Variants in GRID1 observed in about 807,000 individuals in gnomAD.
The protein encoded by GRID1 is glutamate ionotropic receptor delta type subunit 1.
A neutral mutation model predicts 98.0 loss-of-function variants in GRID1; 28 were observed. That is an observed-to-expected ratio of 0.29 (90% CI 0.21 to 0.39). The LOEUF is 0.39. Among genes scored for constraint, GRID1 ranks in the 10% least tolerant of loss-of-function variants. GRID1 has a pLI of 1.00. For synonymous variants in GRID1, 553 were observed against 538.5 expected, an observed-to-expected ratio of 1.03 and a Z score of -0.37; for missense variants, 1,111 against 1,340.5, an observed-to-expected ratio of 0.83 and a Z score of 2.67.
chr10:86,056,655 G>T (rs145735318), intron 4 of GRID1, among the ~76,000 whole-genome samples: 3 of 152,162 alleles, frequency 2.0e-5, no homozygotes, highest in African/African-American at 4.8e-5. Flanking sequence ...AGTTGCTTCC[G>T]CCCACCAGCA....
intron 4 of GRID1, among the ~76,000 whole-genome samples, chr10:86,101,761 T>A (rs1330119695): frequency 6.6e-6 from 1 of 151,964 alleles, no homozygotes; most frequent in Non-Finnish European, 1.5e-5. Flanking sequence ...CACCTAAGCC[T>A]TCTGAGTGGC....
chr10:86,046,682 G>A (rs1209238960), intron 4 of GRID1, among the ~76,000 whole-genome samples: 1 of 152,110 alleles, frequency 6.6e-6, no homozygotes, highest in Non-Finnish European at 1.5e-5. Context: ...CATCCCACCA[G>A]AGGAAGAAGG....
chr10:85,840,224 G>A (rs1472399284), intron 8 of GRID1, among the ~76,000 whole-genome samples: 4 of 152,064 alleles, frequency 2.6e-5, no homozygotes, highest in African/African-American at 7.2e-5. Context: ...AAAAATTGAG[G>A]AGGAGAAGGG....
intron 2 of GRID1, among the ~76,000 whole-genome samples, chr10:86,281,370 G>A (rs1022726373): frequency 2.6e-5 from 4 of 152,200 alleles, no homozygotes; most frequent in African/African-American, 9.6e-5. Flanking sequence ...GCTGCAGAGG[G>A]GTTATGGGGT....
At chr10:85,946,852 T>C (rs114245131) in intron 4 of GRID1, among the ~76,000 whole-genome samples, 5,115 of 152,218 alleles carry the variant, frequency 0.034, 292 homozygotes, top group African/African-American at 0.12. Flanking sequence ...AGCTGCCTGG[T>C]GACCTGAGAG....
chr10:85,874,038 C>A (rs186769167), intron 5 of GRID1, among the ~76,000 whole-genome samples: 11 of 152,210 alleles, frequency 7.2e-5, no homozygotes, highest in Admixed American at 3.9e-4. Context: ...TTGTTGATTA[C>A]CATTTGACTG....
At chr10:85,739,765 C>T (rs1466656662) in intron 8 of GRID1, among the ~76,000 whole-genome samples, 2 of 152,104 alleles carry the variant, frequency 1.3e-5, no homozygotes, top group Non-Finnish European at 2.9e-5. Context: ...GTTTTAACTG[C>T]AAATAGCTCC....
intron 4 of GRID1, among the ~76,000 whole-genome samples, chr10:85,943,581 C>T (rs180857465): frequency 6.6e-6 from 1 of 152,270 alleles, no homozygotes; most frequent in Non-Finnish European, 1.5e-5. Flanking sequence ...CCCACCTATA[C>T]CAAAATCCAG....
At chr10:85,684,179 T>A (rs1017748345) in intron 12 of GRID1, among the ~76,000 whole-genome samples, 4 of 152,226 alleles carry the variant, frequency 2.6e-5, no homozygotes, top group Non-Finnish European at 4.4e-5. Context: ...GAATTAATTG[T>A]GTTAAGATAT....
intron 3 of GRID1, among the ~76,000 whole-genome samples, chr10:86,185,416 A>C (rs2132004406): frequency 6.6e-6 from 1 of 152,208 alleles, no homozygotes; most frequent in East Asian, 1.9e-4. Context: ...ATAATCAGTA[A>C]ATTTAAAGTT....
intron 8 of GRID1, among the ~76,000 whole-genome samples, chr10:85,809,203 A>T (rs1052613554): frequency 6.6e-6 from 1 of 152,024 alleles, no homozygotes; most frequent in Non-Finnish European, 1.5e-5. Flanking sequence ...CAGAGAAAAA[A>T]ATAAAATGAG....
intron 3 of GRID1, among the ~76,000 whole-genome samples, chr10:86,172,302 G>T (rs1331984451): frequency 6.6e-6 from 1 of 152,110 alleles, no homozygotes; most frequent in Non-Finnish European, 1.5e-5. Context: ...ATGTTTTCAA[G>T]GTTCATCGCT....
chr10:85,958,967 AAAAAAG>A (rs1424428318), intron 4 of GRID1, among the ~76,000 whole-genome samples: 3 of 151,694 alleles, frequency 2.0e-5, no homozygotes, highest in African/African-American at 4.8e-5. Context: ...CAAAAAAAAA[AAAAAAG>A]AAAGAAAGAA....
chr10:86,236,882 G>A lies in GRID1; in HGVS notation c.236-30234C>T, dbSNP rs185117090. On this transcript the variant is annotated intron_variant, in intron 2 of 15. Coordinates refer to ENST00000327946, the MANE Select transcript of GRID1 (RefSeq NM_017551.3). ...GGCCTGGCTCTCAGGGTTAGCAGGA[G>A]AGCAGAGAGCAGGAGGCAGAGTGGC... 5.4e-3 allele frequency among the ~76,000 whole-genome samples: 822 copies of A among 152,306 alleles called. 7 individuals carry two copies. The highest frequency in any genetic ancestry group is 6.8e-3 in the Middle Eastern group (2 of 294).
intron 6 of GRID1, among the ~76,000 whole-genome samples, chr10:85,865,385 G>C (rs1169827783): frequency 1.3e-5 from 2 of 152,180 alleles, no homozygotes; most frequent in African/African-American, 2.4e-5. Context: ...AAGCCTCATA[G>C]AGGATGACAG....
chr10:86,083,553 G>T (rs1383383387), intron 4 of GRID1, among the ~76,000 whole-genome samples: 1 of 152,206 alleles, frequency 6.6e-6, no homozygotes, highest in African/African-American at 2.4e-5. Context: ...CGAAGCGATG[G>T]GGAACAACTA....
At chr10:85,936,488 T>C (rs1231954011) in intron 4 of GRID1, among the ~76,000 whole-genome samples, 2 of 150,848 alleles carry the variant, frequency 1.3e-5, no homozygotes, top group African/African-American at 4.9e-5. Flanking sequence ...GAAACTCATG[T>C]GATAAATGCC....
rs80276691 is a variant in GRID1, at chr10:85,786,970, G to A, written c.1234-57356C>T. Among the ~76,000 whole-genome samples the A allele has an allele frequency of 2.5e-3, 388 of 152,318 alleles. 2 individuals carry two copies. The highest frequency in any genetic ancestry group is 2.5e-3 in the Non-Finnish European group (173 of 68,018). ...CCTGGAGGTCACACCTGTGAGAGCT[G>A]GGGGCAGAGCCATGGCTGGGGCTTG... On this transcript the variant is annotated intron_variant, in intron 8 of 15. Coordinates refer to ENST00000327946, the MANE Select transcript of GRID1 (RefSeq NM_017551.3).
rs571205169 is a variant in GRID1 at position 85,895,935 on chromosome 10, G to T, written c.780+20251C>A. On this transcript the variant is annotated intron_variant, in intron 5 of 15. Coordinates refer to ENST00000327946, the MANE Select transcript of GRID1 (RefSeq NM_017551.3). The stretch of plus-strand genomic sequence containing the variant: ...TTTAGTGAGAAACATCTCTCTGGGG[G>T]AAAAACGAACATGGACATGTTGTCA... Among the ~76,000 whole-genome samples the T allele has an allele frequency of 2.0e-5, 3 of 152,050 alleles. No homozygotes were observed. In the South Asian group the frequency reaches 6.2e-4, roughly 32 times the overall value.
Sources: allele counts gnomAD v4.1 joint callset (sites outside exome capture counted in the v4.1 genomes callset), GRCh38; gene constraint gnomAD v4.1.1; transcripts MANE v1.5; gene names NCBI Gene and HGNC (gene_info 2026-07-23, HGNC 2026-07-21).